Variants in IQCJ observed in about 807,000 individuals in gnomAD.
The protein encoded by IQCJ is IQ domain-containing protein J.
A neutral mutation model predicts 11.0 loss-of-function variants in IQCJ; 9 were observed. That is an observed-to-expected ratio of 0.82 (90% CI 0.49 to 1.43). The LOEUF (loss-of-function observed/expected upper bound fraction) is 1.43, where lower values mean the gene tolerates loss of function less well. IQCJ is among the 40% of genes most tolerant of loss of function. The probability of loss-of-function intolerance (pLI) is 0.00; values close to 1 mark genes in which losing one functional copy is unlikely to be tolerated. For missense variants in IQCJ, 146 were observed against 133.2 expected (o/e 1.10, Z -0.47); for synonymous variants, 55 against 51.3 (o/e 1.07, Z -0.31).
intron 1 of IQCJ, among the ~76,000 whole-genome samples, chr3:159,176,866 A>G (rs568647123): frequency 1.3e-5 from 2 of 152,216 alleles, no homozygotes; most frequent in Non-Finnish European, 2.9e-5. Context: ...CTTTATTTCA[A>G]TTGAATAAGC....
intron 1 of IQCJ, among the ~76,000 whole-genome samples, chr3:159,106,786 C>G (rs759570413): frequency 6.6e-6 from 1 of 152,182 alleles, no homozygotes; most frequent in Non-Finnish European, 1.5e-5. Context: ...ATATTTCTGA[C>G]TGACCAGCTA....
Position 159,151,577 on chromosome 3 carries a change from G to T in IQCJ, c.9+82136G>T, listed in dbSNP as rs183015188. On this transcript the variant is annotated intron_variant, in intron 1 of 3. Transcript: ENST00000397832. ...CTCAGTCAAGTTACTTACCTGCACT[G>T]GTCTCAGTTTCCTTCCCAAAAAACA... is the stretch of plus-strand genomic sequence containing the variant. Among the ~76,000 whole-genome samples the T allele has an allele frequency of 2.1e-3, 319 of 152,242 alleles. 1 individual carries two copies. The highest frequency in any genetic ancestry group is 6.8e-3 in the Middle Eastern group (2 of 294).
At chr3:159,245,656 G>T (rs1315801553) in intron 1 of IQCJ, among the ~76,000 whole-genome samples, 187 bp from the exon 2 acceptor site, 1 of 151,842 alleles carries the variant, frequency 6.6e-6, no homozygotes, top group Non-Finnish European at 1.5e-5. Context: ...TAGAGACAGG[G>T]TTTCACCGTG....
intron 1 of IQCJ, among the ~76,000 whole-genome samples, chr3:159,158,022 C>A (rs929602961): frequency 1.3e-5 from 2 of 152,060 alleles, no homozygotes; most frequent in East Asian, 3.9e-4. Context: ...TTTTGTGCAC[C>A]TGTGCAAGTA....
At chr3:159,105,019 T>TA (rs1188745140) in intron 1 of IQCJ, among the ~76,000 whole-genome samples, 1 of 152,212 alleles carries the variant, frequency 6.6e-6, no homozygotes, top group Non-Finnish European at 1.5e-5. Context: ...AGATATTCGA[T>TA]AAAAATGTTT....
chr3:159,072,691 G>A (rs986401656), intron 1 of IQCJ, among the ~76,000 whole-genome samples: 1 of 152,034 alleles, frequency 6.6e-6, no homozygotes, highest in Non-Finnish European at 1.5e-5. Context: ...GCCAGGCACT[G>A]CACTAAATAC....
intron 1 of IQCJ, among the ~76,000 whole-genome samples, chr3:159,164,556 T>A (rs1208590551): frequency 2.6e-5 from 4 of 152,118 alleles, no homozygotes; most frequent in African/African-American, 9.7e-5. Flanking sequence ...TCACCTGAGG[T>A]CAGGAGTTCG....
chr3:159,249,549 C>T (rs1019788344), intron 2 of IQCJ, among the ~76,000 whole-genome samples: 1 of 152,186 alleles, frequency 6.6e-6, no homozygotes, highest in African/African-American at 2.4e-5. Flanking sequence ...AACAACTATA[C>T]CCATTTGCCT....
Position 159,161,317 on chromosome 3 carries a change from A to G in IQCJ, c.10-84526A>G, listed in dbSNP as rs531633360. Among the ~76,000 whole-genome samples, 10 of 152,322 alleles carry G rather than the reference A, an allele frequency of 6.6e-5. No individual in the cohort carries two copies. In the East Asian group the frequency reaches 1.9e-3, roughly 29 times the overall value. On this transcript the variant is annotated intron_variant, in intron 1 of 3. Transcript: ENST00000397832. ...ACTTTTTCATGTGTTTTTTGGCTGC[A>G]TAAATGCCTTCTTTTGAGAAGTGTC...
At chr3:159,222,848 CT>C (rs778340963) in intron 1 of IQCJ, among the ~76,000 whole-genome samples, 1 of 152,002 alleles carries the variant, frequency 6.6e-6, no homozygotes, top group African/African-American at 2.4e-5. Context: ...ACAGCGACCT[CT>C]GTATGTACCT....
chr3:159,231,932 T>C (rs1726274133), intron 1 of IQCJ, among the ~76,000 whole-genome samples: 1 of 152,248 alleles, frequency 6.6e-6, no homozygotes, highest in Admixed American at 6.5e-5. Flanking sequence ...GTGTTTATAA[T>C]ATTCTTTGAT....
At chr3:159,091,674 G>GCACACACACA (rs1170628138) in intron 1 of IQCJ, among the ~76,000 whole-genome samples, 124 of 81,308 alleles carry the variant, frequency 1.5e-3, no homozygotes, top group South Asian at 2.5e-3. Context: ...ACACACGCAT[G>GCACACACACA]CACACACACA....
chr3:159,154,293 G>T (rs1721392246), intron 1 of IQCJ, among the ~76,000 whole-genome samples: 1 of 152,092 alleles, frequency 6.6e-6, no homozygotes, highest in South Asian at 2.1e-4. Context: ...GGCACCGTAG[G>T]CATGGACACA....
At chr3:159,085,979 T>G (rs1716730985) in intron 1 of IQCJ, among the ~76,000 whole-genome samples, 1 of 152,200 alleles carries the variant, frequency 6.6e-6, no homozygotes, top group Non-Finnish European at 1.5e-5. Context: ...GTTTTAGACA[T>G]GAAGCCTTGC....
At chr3:159,128,882 C>T (rs1329398125) in intron 1 of IQCJ, among the ~76,000 whole-genome samples, 2 of 152,162 alleles carry the variant, frequency 1.3e-5, no homozygotes, top group Non-Finnish European at 2.9e-5. Flanking sequence ...TGATGTAGCC[C>T]CTTGTTTTCA....
At chr3:159,182,971 G>A (rs1287061904) in intron 1 of IQCJ, among the ~76,000 whole-genome samples, 1 of 152,108 alleles carries the variant, frequency 6.6e-6, no homozygotes. Flanking sequence ...AAGACAATAT[G>A]AGGGGTGGTC....
At chr3:159,161,302 G>C (rs962097469) in intron 1 of IQCJ, among the ~76,000 whole-genome samples, 2 of 152,196 alleles carry the variant, frequency 1.3e-5, no homozygotes, top group Admixed American at 1.3e-4. Flanking sequence ...ACTTTTTCAT[G>C]TGTTTTTTGG....
At chr3:159,073,493 G>A (rs557780101) in intron 1 of IQCJ, among the ~76,000 whole-genome samples, 3 of 152,050 alleles carry the variant, frequency 2.0e-5, no homozygotes, top group Non-Finnish European at 4.4e-5. Context: ...GTCTCCTTAA[G>A]TTTTGCACTC....
chr3:159,227,707 C>T (rs1560033025), intron 1 of IQCJ, among the ~76,000 whole-genome samples: 1 of 152,120 alleles, frequency 6.6e-6, no homozygotes. Context: ...AGGATTATTC[C>T]AGAGTTCTAC....
Sources: allele counts gnomAD v4.1 joint callset (sites outside exome capture counted in the v4.1 genomes callset), GRCh38; gene constraint gnomAD v4.1.1; transcripts MANE v1.5; gene names NCBI Gene and HGNC (gene_info 2026-07-23, HGNC 2026-07-21).